The following RNF157 variants were observed in gnomAD, a reference collection of about 807,000 sequenced individuals.
RNF157 encodes the protein ring finger protein 157, also known as E3 ubiquitin ligase RNF157.
A neutral mutation model predicts 88.3 loss-of-function variants in RNF157; 55 were observed. The observed-to-expected ratio is 0.62, with a 90% CI of 0.50 to 0.78. The LOEUF is 0.78. RNF157 is among the 30% of genes least tolerant of loss of function. The pLI is 0.00. For missense variants in RNF157, 788 were observed against 860.8 expected (o/e 0.92, Z 1.06); for synonymous variants, 334 against 341.2 (o/e 0.98, Z 0.23).
intron 16 of RNF157, 29 bp downstream of exon 16, chr17:76,155,223 G>C (rs1334541004): frequency 6.2e-7 from 1 of 1,603,618 alleles, no homozygotes; most frequent in Non-Finnish European, 8.5e-7. Context: ...TTGTGGGAAG[G>C]GGGCACCACT....
chr17:76,197,746 A>G (rs994494491), intron 2 of RNF157, among the ~76,000 whole-genome samples: 2 of 152,134 alleles, frequency 1.3e-5, no homozygotes, highest in Non-Finnish European at 2.9e-5. Context: ...GGCAGCATTT[A>G]AAGACAATCA....
At chr17:76,225,565 A>G (rs901209637) in intron 1 of RNF157, among the ~76,000 whole-genome samples, 3 of 152,020 alleles carry the variant, frequency 2.0e-5, no homozygotes, top group Non-Finnish European at 4.4e-5. Flanking sequence ...GAATGCACAT[A>G]TTGATCTGCA....
At chr17:76,196,746 C>G (rs73360624) in intron 2 of RNF157, among the ~76,000 whole-genome samples, 13,409 of 152,066 alleles carry the variant, frequency 0.088, 1,259 homozygotes, top group African/African-American at 0.24. Flanking sequence ...GGAACCAGAG[C>G]CACCTGATCC....
chr17:76,164,365 C>T (rs778813877), intron 8 of RNF157: 6 of 160,720 alleles, frequency 3.7e-5, no homozygotes, highest in Non-Finnish European at 8.1e-5. Context: ...ATGCTTTATC[C>T]TTTCGCTTGA....
At position 76,162,564 on chromosome 17, in the gene RNF157, T is replaced by G; in HGVS notation, c.780A>C (p.Thr260=). Residue 260 remains threonine (T), a synonymous_variant, in exon 9 of 19, where the codon ACA becomes ACC. Coordinates refer to ENST00000269391, the MANE Select transcript of RNF157 (RefSeq NM_052916.3). ...GGGTAAAACTTACCTTAGAATCTTG[T>G]GTGTTGTACTTGTTTTCAATTCCAT... ...EIYGIENKYN[T]QDSKVAEDEV... The G allele has an allele frequency of 6.2e-7, 1 of 1,612,878 alleles. No homozygotes were observed. The highest frequency in any genetic ancestry group is 1.3e-5 in the African/African-American group (1 of 74,984).
Position 76,145,269 on chromosome 17 carries a change from G to A in RNF157, c.2006C>T (p.Thr669Met), listed in dbSNP as rs200506328. ...CAAAGGGCCCCACACACAGGGCCTC[G>A]TCTCAGAGTCCTCCAGGCTGCTGGA... ...LSSSSLEDSE[T>M]RPCVWGPLAV is the part of the protein sequence containing the mutation. The change falls in exon 19 of 19, where the codon ACG (threonine) becomes ATG (methionine). Residue 669 changes from threonine (T) to methionine (M), a missense_variant. Thr to Met is a moderately conservative substitution (Grantham distance 81). Coordinates refer to ENST00000269391, the MANE Select transcript of RNF157 (RefSeq NM_052916.3). 18 of 1,608,108 alleles carry A rather than the reference G, an allele frequency of 1.1e-5. No individual in the cohort carries two copies. Among genetic ancestry groups the A allele is most frequent in the South Asian group, 3.3e-5 (3 of 89,884 alleles).
chr17:76,183,775 TTATG>T (rs1377280956), intron 2 of RNF157, among the ~76,000 whole-genome samples: 3 of 152,010 alleles, frequency 2.0e-5, no homozygotes, highest in Admixed American at 6.5e-5. Flanking sequence ...TAATTATAAA[TTATG>T]TATTTATGTA....
chr17:76,156,182 A>G (rs1381668811), intron 14 of RNF157, 28 bp downstream of exon 14: 19 of 1,548,088 alleles, frequency 1.2e-5, no homozygotes, highest in Non-Finnish European at 1.6e-5. Flanking sequence ...GGGGAAGGAC[A>G]TGCAGCCACT....
intron 2 of RNF157, among the ~76,000 whole-genome samples, chr17:76,205,586 G>T (rs865827256): frequency 1.3e-5 from 2 of 152,100 alleles, no homozygotes; most frequent in African/African-American, 2.4e-5. Flanking sequence ...CTAGCTGAGC[G>T]TGGTGGTGTG....
At chr17:76,190,560 G>T (rs976777200) in intron 2 of RNF157, among the ~76,000 whole-genome samples, 2 of 149,218 alleles carry the variant, frequency 1.3e-5, no homozygotes, top group Non-Finnish European at 3.0e-5. Context: ...CCATGATCAT[G>T]CCACTGCACT....
At position 76,189,761 on chromosome 17, in the gene RNF157, G is replaced by A. The variant is rs190109425; in HGVS notation, c.208-15971C>T. Among the ~76,000 whole-genome samples, 14 of 152,300 alleles carry A rather than the reference G, an allele frequency of 9.2e-5. No homozygotes were observed. The South Asian group carries it at 1.2e-3, about 14-fold the overall frequency. On this transcript the variant is annotated intron_variant, in intron 2 of 18. Coordinates refer to ENST00000269391, the MANE Select transcript of RNF157 (RefSeq NM_052916.3). ...TGGAAGCCCGGAGAAGGGACCCTCC[G>A]AAGCTGGGACTCAGACTTCTGAGGT... is the stretch of plus-strand genomic sequence containing the variant.
chr17:76,223,157 T>C (rs2070017116), intron 1 of RNF157, among the ~76,000 whole-genome samples: 1 of 151,520 alleles, frequency 6.6e-6, no homozygotes, highest in East Asian at 1.9e-4. Context: ...CCCAAAGTGC[T>C]GGGATTACAG....
intron 8 of RNF157, chr17:76,163,904 A>G (rs1240443892): frequency 6.6e-6 from 1 of 152,216 alleles, no homozygotes; most frequent in Non-Finnish European, 1.5e-5. Flanking sequence ...TCATGCAGTG[A>G]TTATATTGGA....
chr17:76,149,534 G>A (rs960634687), intron 18 of RNF157, among the ~76,000 whole-genome samples: 10 of 152,030 alleles, frequency 6.6e-5, no homozygotes, highest in African/African-American at 2.4e-4. Flanking sequence ...TTATTCCACG[G>A]GACCTACCAA....
rs1427982632 is a variant in RNF157, at chr17:76,155,666, C to CG, written c.1593dup (p.Val532ArgfsTer14). On this transcript the variant is annotated frameshift_variant, in exon 15 of 19. Coordinates refer to ENST00000269391, the MANE Select transcript of RNF157 (RefSeq NM_052916.3). LOFTEE classifies it high-confidence loss of function. ...ATGTAGGAGCCAGACATGGAGGAGA[C>CG]GGTGTCAGTGCTGATCTGGGAGGAT... 1 of 1,613,412 alleles carries CG rather than the reference C, an allele frequency of 6.2e-7. No individual in the cohort carries two copies. The highest frequency in any genetic ancestry group is 8.5e-7 in the Non-Finnish European group (1 of 1,179,704).
At chr17:76,159,275 A>T in intron 12 of RNF157, 60 bp downstream of exon 12, 3 of 1,416,978 alleles carry the variant, frequency 2.1e-6, no homozygotes, top group Non-Finnish European at 3.0e-6. Context: ...AGCACCAAGG[A>T]GGGATGAAGC....
chr17:76,156,813 C>T (rs542594319), intron 13 of RNF157, among the ~76,000 whole-genome samples: 80 of 152,314 alleles, frequency 5.3e-4, no homozygotes, highest in Non-Finnish European at 1.1e-3. Flanking sequence ...CCCCCACCTC[C>T]GATCCCAGCC....
intron 2 of RNF157, among the ~76,000 whole-genome samples, chr17:76,184,878 G>A (rs902959056): frequency 2.0e-5 from 3 of 152,156 alleles, no homozygotes; most frequent in Non-Finnish European, 4.4e-5. Flanking sequence ...CTCTTGGCAG[G>A]AAGTACACAA....
rs2144821736 is a variant in RNF157 at position 76,157,073 on chromosome 17, T to C, written c.1414-752A>G. Reference sequence around the variant, plus strand: ...CCCCTGCCTCCTGGGTTCAAGCGATTCTCCTGCCTCAGCCTCCCGAGTAGC... The same window carrying C: ...CCCCTGCCTCCTGGGTTCAAGCGATCCTCCTGCCTCAGCCTCCCGAGTAGC... On this transcript the variant is annotated intron_variant, in intron 13 of 18. Transcript: ENST00000269391. The surrounding 1 kb of genome is among the most constrained non-coding windows in gnomAD (Gnocchi z 5.6). Among the ~76,000 whole-genome samples the C allele has an allele frequency of 6.6e-6, 1 of 152,204 alleles. No individual in the cohort carries two copies. Among genetic ancestry groups the C allele is most frequent in the African/African-American group, 2.4e-5 (1 of 41,502 alleles).
Sources: allele counts gnomAD v4.1 joint callset (sites outside exome capture counted in the v4.1 genomes callset), GRCh38; gene constraint gnomAD v4.1.1; non-coding constraint Gnocchi (gnomAD v3.1); transcripts MANE v1.5; gene names NCBI Gene and HGNC (gene_info 2026-07-23, HGNC 2026-07-21).